APBB2: variants seen among roughly 807,000 people sequenced by gnomAD.
APBB2 encodes Fe65-like 1.
APBB2 carries 38 observed loss-of-function variants against 82.5 expected under a neutral mutation model. That is an observed-to-expected ratio of 0.46 (90% CI 0.36 to 0.60). APBB2 has a LOEUF of 0.60. Among genes scored for constraint, APBB2 ranks in the 20% least tolerant of loss-of-function variants. The pLI is 0.00. For synonymous variants in APBB2, 341 were observed against 368.2 expected (o/e 0.93, Z 0.85); for missense variants, 772 against 972.3 (o/e 0.79, Z 2.74).
intron 1 of APBB2, among the ~76,000 whole-genome samples, chr4:41,182,416 C>G (rs553045065): frequency 3.3e-5 from 5 of 152,296 alleles, no homozygotes; most frequent in Non-Finnish European, 5.9e-5. Flanking sequence ...CTTCAAACAC[C>G]TTCTACAAAT....
At chr4:40,923,222 G>A (rs907216196) in intron 10 of APBB2, among the ~76,000 whole-genome samples, 16 of 149,242 alleles carry the variant, frequency 1.1e-4, no homozygotes, top group African/African-American at 2.7e-4. Flanking sequence ...TGATCCGCCC[G>A]CCTCGGCCTC....
At chr4:41,102,048 A>G (rs1006346114) in intron 2 of APBB2, among the ~76,000 whole-genome samples, 2 of 152,208 alleles carry the variant, frequency 1.3e-5, no homozygotes, top group African/African-American at 4.8e-5. Context: ...CATTAATAAG[A>G]TAAAATAGTT....
chr4:40,910,108 CCAT>C (rs1464072009), intron 10 of APBB2, among the ~76,000 whole-genome samples: 1 of 148,132 alleles, frequency 6.8e-6, no homozygotes, highest in Non-Finnish European at 1.5e-5. Flanking sequence ...GCACCCACCA[CCAT>C]GCCTGGCTAA....
rs1752281143 is a variant in APBB2, at chr4:40,832,272, T to C, written c.1530-1695A>G. Among the ~76,000 whole-genome samples the C allele has an allele frequency of 6.6e-6, 1 of 152,200 alleles. No individual in the cohort carries two copies. The highest frequency in any genetic ancestry group is 1.5e-5 in the Non-Finnish European group (1 of 68,034). On this transcript the variant is annotated intron_variant, in intron 12 of 17. Transcript: ENST00000508593. The surrounding 1 kb of genome is among the most constrained non-coding windows in gnomAD (Gnocchi z 4.8). ...ACAGGGATTTACTATAGCAGGCAACTGGCCATCGTGAAGGTCTGGCCGGAA... is the reference window on the plus strand; with the variant it reads ...ACAGGGATTTACTATAGCAGGCAACCGGCCATCGTGAAGGTCTGGCCGGAA...
intron 1 of APBB2, among the ~76,000 whole-genome samples, chr4:41,172,818 G>A (rs1372282414): frequency 1.3e-5 from 2 of 152,172 alleles, no homozygotes; most frequent in Non-Finnish European, 2.9e-5. Context: ...AGTCAGCCAG[G>A]CAAAAGATGC....
At chr4:41,213,578 A>T (rs900722122) in intron 1 of APBB2, among the ~76,000 whole-genome samples, 2 of 152,124 alleles carry the variant, frequency 1.3e-5, no homozygotes, top group Admixed American at 1.3e-4. Flanking sequence ...AGTCTACACC[A>T]CTTCACCGAC....
intron 3 of APBB2, among the ~76,000 whole-genome samples, chr4:41,073,926 C>A (rs940468341): frequency 6.6e-6 from 1 of 152,158 alleles, no homozygotes; most frequent in African/African-American, 2.4e-5. Flanking sequence ...CCAGCCTGGG[C>A]AATGTAGCAA....
intron 1 of APBB2, among the ~76,000 whole-genome samples, chr4:41,211,828 C>T (rs1236925395): frequency 2.0e-5 from 3 of 152,130 alleles, no homozygotes; most frequent in Admixed American, 6.5e-5. Flanking sequence ...TACAGAGACA[C>T]GACATACCAT....
intron 4 of APBB2, among the ~76,000 whole-genome samples, chr4:41,042,515 T>C (rs908465804): frequency 1.3e-5 from 2 of 152,210 alleles, no homozygotes; most frequent in Non-Finnish European, 2.9e-5. Flanking sequence ...TTTGGCCAAC[T>C]GGATGTTAGC....
chr4:40,920,833 T>C (rs550055020), intron 10 of APBB2, among the ~76,000 whole-genome samples: 2 of 152,260 alleles, frequency 1.3e-5, no homozygotes, highest in East Asian at 3.9e-4. Context: ...ATCACACCAT[T>C]GCACTCCAGC....
intron 6 of APBB2, among the ~76,000 whole-genome samples, chr4:41,000,492 G>A (rs568349318): frequency 6.6e-6 from 1 of 152,108 alleles, no homozygotes; most frequent in Non-Finnish European, 1.5e-5. Context: ...GGAACCTGGA[G>A]CTCACAGGTT....
intron 1 of APBB2, among the ~76,000 whole-genome samples, chr4:41,163,192 T>C (rs1474182781): frequency 2.0e-5 from 3 of 152,164 alleles, no homozygotes; most frequent in Non-Finnish European, 4.4e-5. Flanking sequence ...CGGCAGATTT[T>C]AAAACAGCAG....
At chr4:41,028,185 A>C (rs1207857566) in intron 5 of APBB2, among the ~76,000 whole-genome samples, 1 of 152,260 alleles carries the variant, frequency 6.6e-6, no homozygotes, top group Non-Finnish European at 1.5e-5. Flanking sequence ...ATATGCTTCT[A>C]AGTGCTGAGG....
At chr4:40,978,492 G>A (rs1797716493) in intron 6 of APBB2, among the ~76,000 whole-genome samples, 1 of 151,230 alleles carries the variant, frequency 6.6e-6, no homozygotes, top group Non-Finnish European at 1.5e-5. Context: ...TTTTACTCTA[G>A]AAAAAAAGAG....
At chr4:40,858,829 A>G (rs1216453424) in intron 12 of APBB2, among the ~76,000 whole-genome samples, 1 of 152,226 alleles carries the variant, frequency 6.6e-6, no homozygotes, top group African/African-American at 2.4e-5. Flanking sequence ...TACGATCAGT[A>G]ACACTTCAAT....
chr4:41,013,924 T>G lies in APBB2; in HGVS notation c.494A>C (p.Tyr165Ser), dbSNP rs200781749. Reference protein sequence around the residue: ...PRRTKSFLNYYADLETSAREL... With the variant: ...PRRTKSFLNYSADLETSAREL... ...TCTGGCTGAGGTTTCCAGATCTGCA[T>G]AGTAATTTAGGAAGCTCTTAGTTCT... The change falls in exon 6 of 18, where the codon TAT becomes TCT. Residue 165 changes from tyrosine to serine, a missense_variant. Transcript: ENST00000508593. 1,340 of 1,614,156 alleles carry G rather than the reference T, an allele frequency of 8.3e-4. 4 individuals carry two copies. The highest frequency in any genetic ancestry group is 1.9e-3 in the Admixed American group (114 of 60,022).
intron 3 of APBB2, among the ~76,000 whole-genome samples, chr4:41,086,564 C>G (rs1202282478): frequency 6.6e-6 from 1 of 152,098 alleles, no homozygotes; most frequent in South Asian, 2.1e-4. Context: ...GAGGAAAAAA[C>G]ACATCATCAT....
In APBB2 at chr4:40,898,176, C is replaced by A. The variant is rs144344866; in HGVS notation, c.1255-4765G>T. Among the ~76,000 whole-genome samples the A allele has an allele frequency of 3.0e-3, 451 of 152,290 alleles. 1 individual carries two copies. The highest frequency in any genetic ancestry group is 0.01 in the African/African-American group (436 of 41,552). On this transcript the variant is annotated intron_variant, in intron 10 of 17. Coordinates refer to ENST00000508593, the MANE Select transcript of APBB2 (RefSeq NM_004307.2). Reference sequence around the variant, plus strand: ...TGCCACCTATACTTTACAGCATGTGCGAGGCCCAAAGAAGATAATGCTGGT... The same window carrying A: ...TGCCACCTATACTTTACAGCATGTGAGAGGCCCAAAGAAGATAATGCTGGT...
At chr4:41,009,721 C>T (rs903970473) in intron 6 of APBB2, among the ~76,000 whole-genome samples, 28 of 152,248 alleles carry the variant, frequency 1.8e-4, no homozygotes, top group African/African-American at 6.7e-4. Flanking sequence ...GACAACTATA[C>T]CCTTTTTATA....
Sources: allele counts gnomAD v4.1 joint callset (sites outside exome capture counted in the v4.1 genomes callset), GRCh38; gene constraint gnomAD v4.1.1; non-coding constraint Gnocchi (gnomAD v3.1); transcripts MANE v1.5; gene names NCBI Gene and HGNC (gene_info 2026-07-23, HGNC 2026-07-21).